NCOA2: variants seen among roughly 807,000 people sequenced by gnomAD.
NCOA2 encodes the protein class E basic helix-loop-helix protein 75.
Under a neutral mutation model 145.1 loss-of-function variants are expected in NCOA2, and 21 were observed. That is an observed-to-expected ratio of 0.14 (90% CI 0.10 to 0.21). The LOEUF (loss-of-function observed/expected upper bound fraction) is 0.21, where lower values mean the gene tolerates loss of function less well. NCOA2 is among the 10% of genes least tolerant of loss of function. The pLI is 1.00. For missense variants in NCOA2, 1,472 were observed against 1,837.6 expected, an observed-to-expected ratio of 0.80 and a Z score of 3.64; for synonymous variants, 619 against 637.5, an observed-to-expected ratio of 0.97 and a Z score of 0.44.
intron 4 of NCOA2, among the ~76,000 whole-genome samples, chr8:70,212,140 T>C (rs1309059330): frequency 6.6e-6 from 1 of 151,394 alleles, no homozygotes; most frequent in East Asian, 1.9e-4. Flanking sequence ...ACATGCAGTG[T>C]TCTCAAAACT....
chr8:70,326,124 A>G lies in NCOA2; in HGVS notation c.-76-29324T>C, dbSNP rs1586497956. On this transcript the variant is annotated intron_variant, in intron 1 of 22. Coordinates refer to ENST00000452400, the MANE Select transcript of NCOA2 (RefSeq NM_006540.4). ...ATAAACACTTTTGTCAATTCTTCCT[A>G]GTACCCATGATATGGTTCAATTAAT... Among the ~76,000 whole-genome samples, 7 of 152,306 alleles carry G rather than the reference A, an allele frequency of 4.6e-5. No individual in the cohort carries two copies. The South Asian group carries it at 1.5e-3, about 32-fold the overall frequency.
In NCOA2 at chr8:70,170,393, T is replaced by A. The variant is rs1814111922; in HGVS notation, c.364-14A>T. ...CCCATCAAGGGCCTAGGGAACAAAG[T>A]ACAAATTGTGTTAGAAAGGATGCAA... On this transcript the variant is annotated splice_polypyrimidine_tract_variant and intron_variant, in intron 5 of 22. Transcript: ENST00000452400. 1 of 1,556,684 alleles carries A rather than the reference T, an allele frequency of 6.4e-7. No homozygotes were observed. The highest frequency in any genetic ancestry group is 1.2e-5 in the South Asian group (1 of 83,438).
In NCOA2 at chr8:70,166,467, T is replaced by G. The variant is rs538650699; in HGVS notation, c.730+99A>C. 4.7e-5 allele frequency: 63 copies of G among 1,330,952 alleles called. No homozygotes were observed. In the African/African-American group the frequency reaches 8.9e-4, roughly 19 times the overall value. 82.4% of individuals were successfully genotyped at this position (1,330,952 alleles called of 1,614,324 possible). ...AATTGAAAAGAACAAAGATACTGCCTCCTCACTTTTCTTTGGGTGACCACT... is the reference window on the plus strand; with the variant it reads ...AATTGAAAAGAACAAAGATACTGCCGCCTCACTTTTCTTTGGGTGACCACT... On this transcript the variant is annotated intron_variant, in intron 7 of 22. Coordinates refer to ENST00000452400, the MANE Select transcript of NCOA2 (RefSeq NM_006540.4).
chr8:70,159,728 G>A, intron 9 of NCOA2, 76 bp from the exon 10 acceptor site: 4 of 1,308,552 alleles, frequency 3.1e-6, no homozygotes, highest in Non-Finnish European at 4.2e-6. Flanking sequence ...GACATAATAA[G>A]AGTAATCAAC....
At chr8:70,279,351 C>T (rs1001125702) in intron 2 of NCOA2, among the ~76,000 whole-genome samples, 9 of 152,116 alleles carry the variant, frequency 5.9e-5, no homozygotes, top group African/African-American at 1.4e-4. Flanking sequence ...TCATTACCAG[C>T]GGATCTAGTA....
intron 1 of NCOA2, among the ~76,000 whole-genome samples, chr8:70,386,642 A>C (rs1017902645): frequency 6.6e-6 from 1 of 152,218 alleles, no homozygotes; most frequent in African/African-American, 2.4e-5. Flanking sequence ...TGTAAAGAAA[A>C]ATTTTTAAAA....
intron 19 of NCOA2, 171 bp downstream of exon 19, chr8:70,126,642 G>C: frequency 1.6e-6 from 1 of 626,830 alleles, no homozygotes; most frequent in East Asian, 2.8e-5. Flanking sequence ...TGCTGGACTT[G>C]GGGACTCCTC....
chr8:70,232,351 A>G (rs1038565962), intron 2 of NCOA2, among the ~76,000 whole-genome samples: 1 of 152,196 alleles, frequency 6.6e-6, no homozygotes, highest in Non-Finnish European at 1.5e-5. Flanking sequence ...ATATCAAGCA[A>G]CAAGGGGCAG....
intron 2 of NCOA2, among the ~76,000 whole-genome samples, chr8:70,235,139 C>A (rs1346785197): frequency 6.6e-6 from 1 of 152,088 alleles, no homozygotes; most frequent in Non-Finnish European, 1.5e-5. Flanking sequence ...ATTATTCAGC[C>A]TTAAAGAGGA....
At chr8:70,451,454 C>A in the NCOA2 span, among the ~76,000 whole-genome samples, 1 of 148,406 alleles carries the variant, frequency 6.7e-6, no homozygotes, top group Non-Finnish European at 1.5e-5. Flanking sequence ...GCTAGAATTT[C>A]TCTAAGTATC....
chr8:70,238,155 C>T (rs574582119), intron 2 of NCOA2, among the ~76,000 whole-genome samples: 3 of 151,880 alleles, frequency 2.0e-5, no homozygotes, highest in East Asian at 1.9e-4. Flanking sequence ...TGCACACGCG[C>T]GCGCGCGCGT....
At chr8:70,380,519 G>A (rs932548405) in intron 1 of NCOA2, among the ~76,000 whole-genome samples, 4 of 151,950 alleles carry the variant, frequency 2.6e-5, no homozygotes, top group African/African-American at 4.8e-5. Context: ...TAGCATTTAC[G>A]TTGTTTCAGA....
At chr8:70,428,717 A>G in the NCOA2 span, among the ~76,000 whole-genome samples, 1 of 152,230 alleles carries the variant, frequency 6.6e-6, no homozygotes, top group Non-Finnish European at 1.5e-5. Context: ...CAGCTGTTCT[A>G]CTGTCAATGA....
chr8:70,280,400 C>T (rs967542738), intron 2 of NCOA2, among the ~76,000 whole-genome samples: 2 of 152,062 alleles, frequency 1.3e-5, no homozygotes, highest in African/African-American at 4.8e-5. Context: ...TCCTTAGAGA[C>T]GTAAGATAAA....
the NCOA2 span, among the ~76,000 whole-genome samples, chr8:70,451,159 A>T: frequency 1.0e-4 from 15 of 145,058 alleles, no homozygotes; most frequent in South Asian, 6.5e-4. Context: ...CGGAGCTTGC[A>T]GTAAGCTGAG....
intron 1 of NCOA2, among the ~76,000 whole-genome samples, chr8:70,364,924 A>G (rs1037862229): frequency 3.3e-5 from 5 of 151,834 alleles, no homozygotes; most frequent in African/African-American, 1.2e-4. Flanking sequence ...TGTGGTTCCA[A>G]GTGTTTCTGC....
chr8:70,441,482 C>G, the NCOA2 span, among the ~76,000 whole-genome samples: 1 of 102,098 alleles, frequency 9.8e-6, no homozygotes, highest in East Asian at 2.7e-4. Flanking sequence ...GGAGAACAAG[C>G]AAAGAAGGGA....
chr8:70,171,535 A>G (rs993478420), intron 5 of NCOA2, among the ~76,000 whole-genome samples: 1 of 151,898 alleles, frequency 6.6e-6, no homozygotes, highest in Admixed American at 6.6e-5. Context: ...TCTCTTTTTG[A>G]CCCTTGCTTA....
chr8:70,304,060 T>C (rs1033942784), intron 1 of NCOA2, among the ~76,000 whole-genome samples: 3 of 152,180 alleles, frequency 2.0e-5, no homozygotes, highest in Admixed American at 6.5e-5. Flanking sequence ...ACGACCATTC[T>C]GACACAACTG....
Sources: allele counts gnomAD v4.1 joint callset (sites outside exome capture counted in the v4.1 genomes callset), GRCh38; gene constraint gnomAD v4.1.1; transcripts MANE v1.5; gene names NCBI Gene and HGNC (gene_info 2026-07-23, HGNC 2026-07-21).